GABRA2: variants seen among roughly 807,000 people sequenced by gnomAD.
GABRA2 encodes the protein gamma-aminobutyric acid receptor subunit alpha-2.
A neutral mutation model predicts 48.7 loss-of-function variants in GABRA2; 16 were observed. That is an observed-to-expected ratio of 0.33 (90% CI 0.22 to 0.50). GABRA2 has a LOEUF of 0.50. GABRA2 is among the 20% of genes least tolerant of loss of function. The probability of loss-of-function intolerance (pLI) is 0.98; values close to 1 mark genes in which losing one functional copy is unlikely to be tolerated. For synonymous variants in GABRA2, 185 were observed against 184.5 expected (o/e 1.00, Z -0.02); for missense variants, 275 against 535.6 (o/e 0.51, Z 4.80).
intron 3 of GABRA2, among the ~76,000 whole-genome samples, chr4:46,372,777 T>C (rs989281263): frequency 6.6e-6 from 1 of 152,202 alleles, no homozygotes; most frequent in Admixed American, 6.5e-5. Context: ...GAGATTATTA[T>C]ATCCTTTTCT....
At chr4:46,315,588 T>G (rs531464011) in intron 4 of GABRA2, among the ~76,000 whole-genome samples, 3 of 151,942 alleles carry the variant, frequency 2.0e-5, no homozygotes, top group Non-Finnish European at 4.4e-5. Flanking sequence ...CAAAAAAACA[T>G]AGCCAGCTCT....
At chr4:46,382,113 A>C (rs1716836149) in intron 3 of GABRA2, among the ~76,000 whole-genome samples, 1 of 152,076 alleles carries the variant, frequency 6.6e-6, no homozygotes, top group South Asian at 2.1e-4. Flanking sequence ...TAGAGCATAC[A>C]TTCTAGCAAA....
intron 4 of GABRA2, among the ~76,000 whole-genome samples, chr4:46,321,887 A>G (rs540586361): frequency 6.6e-6 from 1 of 152,158 alleles, no homozygotes; most frequent in South Asian, 2.1e-4. Context: ...GCCACACAGG[A>G]TACCACAAAG....
chr4:46,375,923 G>A (rs1403258882), intron 3 of GABRA2, among the ~76,000 whole-genome samples: 1 of 152,104 alleles, frequency 6.6e-6, no homozygotes, highest in Non-Finnish European at 1.5e-5. Context: ...TACAAAACTT[G>A]GCTAACTCCA....
At chr4:46,377,829 C>T (rs562827363) in intron 3 of GABRA2, among the ~76,000 whole-genome samples, 136 of 146,638 alleles carry the variant, frequency 9.3e-4, no homozygotes, top group African/African-American at 3.2e-3. Context: ...CCCCTCTGCC[C>T]GGCCAGCTGC....
At position 46,249,758 on chromosome 4, in the gene GABRA2, A is replaced by G. The variant is rs1332098699; in HGVS notation, c.*550T>C. ...TGCTGTAATATGTACATGGCTATAG[A>G]TACTATATAGAGTAATTCATAGCTG... On this transcript the variant is annotated 3_prime_UTR_variant, in exon 10 of 10. Transcript: ENST00000381620. 2 of 152,368 alleles carry G rather than the reference A, an allele frequency of 1.3e-5. No homozygotes were observed. The highest frequency in any genetic ancestry group is 4.8e-5 in the African/African-American group (2 of 41,354). The allele number at this position is 152,368 out of a possible 1,614,324, so 9.4% of individuals were successfully genotyped here.
chr4:46,298,728 G>T (rs1458989001), intron 8 of GABRA2, among the ~76,000 whole-genome samples: 1 of 151,846 alleles, frequency 6.6e-6, no homozygotes, highest in Non-Finnish European at 1.5e-5. Flanking sequence ...CATGATATAG[G>T]CATTTATAAA....
At chr4:46,297,991 C>T (rs901164758) in intron 8 of GABRA2, among the ~76,000 whole-genome samples, 5 of 151,860 alleles carry the variant, frequency 3.3e-5, no homozygotes, top group African/African-American at 1.2e-4. Flanking sequence ...TTATTTAATC[C>T]ATTTGTTGTT....
intron 9 of GABRA2, chr4:46,256,274 G>A (rs2109327564): frequency 1.4e-6 from 1 of 696,736 alleles, no homozygotes; most frequent in Non-Finnish European, 2.6e-6. Flanking sequence ...ACTGGGCCAT[G>A]AGAAAGCTAT....
chr4:46,268,386 C>T (rs987661149), intron 8 of GABRA2, among the ~76,000 whole-genome samples: 2 of 151,752 alleles, frequency 1.3e-5, no homozygotes, highest in Non-Finnish European at 2.9e-5. Context: ...AGGCAAGGGA[C>T]TTCAAAAGAT....
intron 3 of GABRA2, among the ~76,000 whole-genome samples, chr4:46,363,507 T>TA (rs1166420878): frequency 1.3e-5 from 2 of 152,160 alleles, no homozygotes; most frequent in Non-Finnish European, 2.9e-5. Flanking sequence ...CTAATACTAC[T>TA]AAAAAATAAG....
intron 8 of GABRA2, among the ~76,000 whole-genome samples, chr4:46,292,412 A>G (rs1411778249): frequency 1.3e-5 from 2 of 152,170 alleles, no homozygotes; most frequent in African/African-American, 4.8e-5. Flanking sequence ...TGTTAAAGTG[A>G]GGACATTAAT....
In GABRA2 at chr4:46,260,399, A is replaced by G. The variant is rs138727083; in HGVS notation, c.1059+1527T>C. Among the ~76,000 whole-genome samples the G allele has an allele frequency of 2.3e-3, 352 of 152,050 alleles. 1 individual carries two copies. Among genetic ancestry groups the G allele is most frequent in the African/African-American group, 7.9e-3 (329 of 41,556 alleles). On this transcript the variant is annotated intron_variant, in intron 9 of 9. Transcript: ENST00000381620. The stretch of plus-strand genomic sequence containing the variant: ...ATGAGGAGTAAGCTATTGCTTTTAT[A>G]GAGCATTATCAATTATTTGTTTTTC...
intron 4 of GABRA2, among the ~76,000 whole-genome samples, chr4:46,331,279 G>A (rs1443839860): frequency 7.2e-5 from 11 of 152,138 alleles, no homozygotes; most frequent in Admixed American, 7.2e-4. Flanking sequence ...AAGAGGTGGG[G>A]ATCACCCATC....
intron 3 of GABRA2, among the ~76,000 whole-genome samples, chr4:46,384,718 G>A (rs1578247370): frequency 6.6e-6 from 1 of 152,152 alleles, no homozygotes. Flanking sequence ...TTACTTACTA[G>A]GCTTACTTCT....
intron 9 of GABRA2, among the ~76,000 whole-genome samples, chr4:46,254,068 T>C (rs1228091692): frequency 6.6e-6 from 1 of 151,516 alleles, no homozygotes; most frequent in Non-Finnish European, 1.5e-5. Context: ...TAATATTCTT[T>C]ATAAGACACA....
intron 3 of GABRA2, among the ~76,000 whole-genome samples, chr4:46,345,236 C>T (rs1468478656): frequency 6.6e-6 from 1 of 151,906 alleles, no homozygotes; most frequent in Non-Finnish European, 1.5e-5. Flanking sequence ...GACTGTGAGT[C>T]AATTAAACCC....
intron 3 of GABRA2, among the ~76,000 whole-genome samples, chr4:46,373,256 A>AGATTGTAATGTAAATCCTAAATGACCG: frequency 6.6e-6 from 1 of 152,314 alleles, no homozygotes; most frequent in African/African-American, 2.4e-5. Flanking sequence ...TATATTTCAC[A>AGATTGTAATGTAAATCCTAAATGACCG]GATTGTAATG....
At chr4:46,374,104 G>T (rs1447010767) in intron 3 of GABRA2, among the ~76,000 whole-genome samples, 1 of 151,998 alleles carries the variant, frequency 6.6e-6, no homozygotes, top group Non-Finnish European at 1.5e-5. Flanking sequence ...TATTTACCCT[G>T]ATTCTCTGAC....
Sources: allele counts gnomAD v4.1 joint callset (sites outside exome capture counted in the v4.1 genomes callset), GRCh38; gene constraint gnomAD v4.1.1; transcripts MANE v1.5; gene names NCBI Gene and HGNC (gene_info 2026-07-23, HGNC 2026-07-21).